Variants in LOC112694756 observed in about 807,000 individuals in gnomAD.
chr16:30,068,568 A>C, the LOC112694756 span: 1 of 1,498,888 alleles, frequency 6.7e-7, no homozygotes, highest in African/African-American at 1.4e-5. Context: ...CCACCACTGT[A>C]CTCCAGCCGG....
the LOC112694756 span, chr16:30,054,894 G>T: frequency 2.5e-6 from 1 of 399,134 alleles, no homozygotes; most frequent in Non-Finnish European, 4.4e-6. Context: ...TGTTGCTGCT[G>T]GGTCTAGTCC....
chr16:30,067,743 C>T, the LOC112694756 span: 1 of 1,535,254 alleles, frequency 6.5e-7, no homozygotes, highest in Admixed American at 1.7e-5. Context: ...GGAATGAATG[C>T]TGGATTGGTG....
the LOC112694756 span, chr16:30,064,693 G>A: frequency 2.6e-6 from 1 of 384,458 alleles, no homozygotes; most frequent in Non-Finnish European, 4.6e-6. Context: ...GACACATGTG[G>A]GGCGGGCAGG....
the LOC112694756 span, among the ~76,000 whole-genome samples, chr16:30,053,819 G>A: frequency 2.0e-5 from 3 of 152,164 alleles, no homozygotes; most frequent in Non-Finnish European, 4.4e-5. Context: ...GTTTGGAAGA[G>A]GGGGAGGGAG....
At chr16:30,066,823 G>A in the LOC112694756 span, 1 of 1,503,218 alleles carries the variant, frequency 6.7e-7, no homozygotes, top group Non-Finnish European at 9.0e-7. Context: ...GAGGGTGTTG[G>A]GCCCTCTGCT....
the LOC112694756 span, chr16:30,064,861 TGAG>T: frequency 2.5e-5 from 5 of 198,446 alleles, no homozygotes; most frequent in African/African-American, 1.2e-4. Flanking sequence ...GGGGTCCAGG[TGAG>T]GAGGGGAGAT....
the LOC112694756 span, chr16:30,055,103 C>A: frequency 2.5e-6 from 1 of 399,100 alleles, no homozygotes; most frequent in Non-Finnish European, 4.4e-6. Flanking sequence ...CTTTTCCTTT[C>A]CCCTCGGGAA....
At chr16:30,063,912 C>A in the LOC112694756 span, 1 of 399,116 alleles carries the variant, frequency 2.5e-6, no homozygotes, top group African/African-American at 2.1e-5. Context: ...CCCTGAAGAG[C>A]CTTTCCCCAC....
chr16:30,067,143 T>C, the LOC112694756 span: 5 of 1,589,242 alleles, frequency 3.1e-6, no homozygotes, highest in South Asian at 1.1e-5. Flanking sequence ...TAGGGAACAT[T>C]TCCCTGACCT....
chr16:30,070,316 C>CT, the LOC112694756 span: 3 of 1,075,754 alleles, frequency 2.8e-6, no homozygotes, highest in African/African-American at 4.7e-5. Context: ...TGCCCGCGCT[C>CT]TTTCTTCCCT....
chr16:30,066,294 G>C, the LOC112694756 span: 1 of 152,516 alleles, frequency 6.6e-6, no homozygotes, highest in Non-Finnish European at 1.5e-5. Flanking sequence ...GTGGGAGCTT[G>C]GTTTCTGTCC....
the LOC112694756 span, chr16:30,067,813 C>T: frequency 2.4e-6 from 2 of 830,374 alleles, no homozygotes; most frequent in South Asian, 2.9e-5. Flanking sequence ...CATTTTTAAT[C>T]CTCACAATTC....
the LOC112694756 span, chr16:30,058,993 G>A: frequency 1.0e-5 from 4 of 398,466 alleles, no homozygotes; most frequent in Non-Finnish European, 1.8e-5. Flanking sequence ...TTACAACAGA[G>A]GGTGAGAAAT....
At chr16:30,062,243 A>G in the LOC112694756 span, among the ~76,000 whole-genome samples, 2 of 151,954 alleles carry the variant, frequency 1.3e-5, no homozygotes, top group African/African-American at 4.8e-5. Flanking sequence ...TTTTGAAAAC[A>G]TTAAAATTGA....
the LOC112694756 span, chr16:30,069,588 T>G: frequency 1.1e-5 from 17 of 1,614,000 alleles, no homozygotes; most frequent in Middle Eastern, 6.6e-4. Flanking sequence ...CCCCAGGCCA[T>G]GCTTGCACTC....
At chr16:30,053,393 G>A in the LOC112694756 span, 1 of 152,750 alleles carries the variant, frequency 6.5e-6, no homozygotes, top group Admixed American at 6.5e-5. Context: ...AAACAGGAAA[G>A]GGAAGGAGGG....
chr16:30,054,746 C>G, the LOC112694756 span: 5 of 399,314 alleles, frequency 1.3e-5, no homozygotes, highest in Non-Finnish European at 2.2e-5. Flanking sequence ...CAGCCCCTCT[C>G]CATCTCCTTG....
At chr16:30,070,156 G>A in the LOC112694756 span, 4,804 of 1,614,116 alleles carry the variant, frequency 3.0e-3, 13 homozygotes, top group Non-Finnish European at 3.4e-3. Flanking sequence ...CACTCCGAGC[G>A]GTCAGGCTGG....
chr16:30,053,719 A>T, the LOC112694756 span, among the ~76,000 whole-genome samples: 1 of 152,300 alleles, frequency 6.6e-6, no homozygotes, highest in African/African-American at 2.4e-5. Context: ...TGACTAAGTA[A>T]TCCACGAGAA....
Sources: gnomAD v4.1 joint callset for allele counts (sites outside exome capture counted in the v4.1 genomes callset) on GRCh38, gnomAD v4.1.1 for gene constraint, MANE v1.5 for transcripts.